ELMOD2: variants seen among roughly 807,000 people sequenced by gnomAD.
The protein encoded by ELMOD2 is ELMO domain-containing protein 2.
In ELMOD2, 28 loss-of-function variants were observed where a neutral mutation model predicts 41.0. That is an observed-to-expected ratio of 0.68 (90% CI 0.51 to 0.94). ELMOD2 has a LOEUF of 0.94. ELMOD2 is among the 40% of genes least tolerant of loss of function. The pLI, the probability that ELMOD2 is intolerant of heterozygous loss-of-function variation, is 0.00. For synonymous variants in ELMOD2, 106 were observed against 107.2 expected (o/e 0.99, Z 0.07); for missense variants, 333 against 343.1 (o/e 0.97, Z 0.23).
chr4:140,540,630 C>T (rs1003692362), intron 6 of ELMOD2, among the ~76,000 whole-genome samples: 5 of 151,914 alleles, frequency 3.3e-5, no homozygotes, highest in Admixed American at 6.6e-5. Context: ...TGCCTGTAGT[C>T]CAGCCACTTG....
intron 8 of ELMOD2, among the ~76,000 whole-genome samples, chr4:140,547,560 A>G (rs888218949): frequency 1.4e-4 from 22 of 152,180 alleles, no homozygotes; most frequent in African/African-American, 5.1e-4. Context: ...TCAAGTTTGT[A>G]TAATAAAGTT....
intron 5 of ELMOD2, among the ~76,000 whole-genome samples, chr4:140,539,630 G>A (rs532012838): frequency 4.1e-4 from 62 of 152,282 alleles, no homozygotes; most frequent in African/African-American, 1.4e-3. Flanking sequence ...ACAGGCATGA[G>A]CCACCATGCC....
At chr4:140,532,922 C>T (rs924387440) in intron 3 of ELMOD2, among the ~76,000 whole-genome samples, 2 of 152,100 alleles carry the variant, frequency 1.3e-5, no homozygotes, top group Non-Finnish European at 2.9e-5. Flanking sequence ...AATAGTGTTA[C>T]AGGACATGGT....
At chr4:140,545,444 G>A (rs983719697) in intron 8 of ELMOD2, among the ~76,000 whole-genome samples, 6 of 152,146 alleles carry the variant, frequency 3.9e-5, no homozygotes, top group Admixed American at 2.0e-4. Flanking sequence ...ATGCCAAAAT[G>A]TATATCTTCA....
chr4:140,532,315 C>T (rs1466610485), intron 3 of ELMOD2, among the ~76,000 whole-genome samples: 1 of 151,944 alleles, frequency 6.6e-6, no homozygotes, highest in Non-Finnish European at 1.5e-5. Flanking sequence ...TGCAGGTGCA[C>T]ACCACCATGC....
intron 3 of ELMOD2, 118 bp downstream of exon 3, chr4:140,527,612 TC>T: frequency 1.2e-6 from 1 of 819,082 alleles, no homozygotes; most frequent in Non-Finnish European, 1.9e-6. Context: ...AGTGAAATTT[TC>T]CCCGTTTAGA....
chr4:140,529,188 C>A (rs1734662755), intron 3 of ELMOD2, among the ~76,000 whole-genome samples: 1 of 152,130 alleles, frequency 6.6e-6, no homozygotes, highest in Non-Finnish European at 1.5e-5. Context: ...TGCAGCCGTT[C>A]CTGCTGGTGA....
intron 3 of ELMOD2, among the ~76,000 whole-genome samples, chr4:140,528,927 A>G (rs940572135): frequency 6.6e-6 from 1 of 152,192 alleles, no homozygotes; most frequent in African/African-American, 2.4e-5. Flanking sequence ...ATTTATTTAT[A>G]CCTTATTTAT....
chr4:140,542,666 C>T, intron 7 of ELMOD2, 24 bp downstream of exon 7: 1 of 1,529,122 alleles, frequency 6.5e-7, no homozygotes, highest in African/African-American at 1.4e-5. Context: ...ATTAAAGAAG[C>T]CGTAATCTCT....
At position 140,543,475 on chromosome 4, in the gene ELMOD2, A is replaced by G; in HGVS notation, c.625A>G (p.Ile209Val). ...TAGGTATTCTTATGCAATAGTTGGA[A>G]TCAATCTTACAGAGATGGCTTATAG... ...KLGYSYAIVG[I>V]NLTEMAYSLL... Residue 209 changes from isoleucine to valine, a missense_variant, in exon 8 of 9, where the codon ATC (isoleucine) becomes GTC (valine). By Grantham distance (29) the Ile-to-Val change is conservative (BLOSUM62 3). Coordinates refer to ENST00000323570, the MANE Select transcript of ELMOD2 (RefSeq NM_153702.4). 1 of 1,599,820 alleles carries G rather than the reference A, an allele frequency of 6.3e-7. No individual in the cohort carries two copies. The highest frequency in any genetic ancestry group is 8.5e-7 in the Non-Finnish European group (1 of 1,176,444).
Position 140,527,488 on chromosome 4 carries a change from G to C in ELMOD2, c.165G>C (p.Lys55Asn). Residue 55 changes from lysine (K) to asparagine (N), a missense_variant, in exon 3 of 9, where the codon AAG becomes AAC. By Grantham distance (94) the Lys-to-Asn change is moderately conservative. Transcript: ENST00000323570. ...HRIENSLTYS[K>N]NKVLQKATHV... ...CAGAAAATTCCTTGACATACTCCAA[G>C]AATAAGGTAGGATAACATAAAGGTG... is the stretch of plus-strand genomic sequence containing the variant. The C allele has an allele frequency of 6.4e-7, 1 of 1,561,610 alleles. No individual in the cohort carries two copies. The highest frequency in any genetic ancestry group is 1.4e-5 in the African/African-American group (1 of 69,508).
intron 8 of ELMOD2, among the ~76,000 whole-genome samples, chr4:140,549,074 A>G (rs1735384469): frequency 6.6e-6 from 1 of 152,096 alleles, no homozygotes; most frequent in Admixed American, 6.6e-5. Context: ...CCATCCTAGG[A>G]ACCACAATTT....
At position 140,540,172 on chromosome 4, in the gene ELMOD2, G is replaced by A; in HGVS notation, c.404G>A (p.Trp135Ter). ...AATGGAAATATATTTGTACAGCTTT[G>A]GAATCTTCTAATGCCCACGAAGAAG... is the stretch of plus-strand genomic sequence containing the variant. ...LQHEELLMKL[W>*]NLLMPTKKLN... The change falls in exon 6 of 9, where the codon TGG becomes TAG. Residue 135 changes from tryptophan to a stop codon, truncating the protein, a stop_gained. Coordinates refer to ENST00000323570, the MANE Select transcript of ELMOD2 (RefSeq NM_153702.4). LOFTEE classifies it high-confidence loss of function. 6.2e-7 allele frequency: 1 copy of A among 1,613,828 alleles called. No individual in the cohort carries two copies. The highest frequency in any genetic ancestry group is 2.2e-5 in the East Asian group (1 of 44,862).
intron 3 of ELMOD2, among the ~76,000 whole-genome samples, chr4:140,528,884 G>A (rs1286499625): frequency 6.6e-6 from 1 of 152,120 alleles, no homozygotes; most frequent in East Asian, 1.9e-4. Context: ...GGATGTGGAG[G>A]TCCTGAAAGC....
chr4:140,553,334 G>T lies in ELMOD2; in HGVS notation c.*2959G>T, dbSNP rs1578782363. On this transcript the variant is annotated 3_prime_UTR_variant, in exon 9 of 9. Coordinates refer to ENST00000323570, the MANE Select transcript of ELMOD2 (RefSeq NM_153702.4). The stretch of plus-strand genomic sequence containing the variant: ...TTTGAAATAACAGGGACCAGCAGCA[G>T]TTTTCTCAGGATAAATGCTCTACCC... The T allele has an allele frequency of 6.6e-6, 1 of 152,236 alleles. No homozygotes were observed. Among genetic ancestry groups the T allele is most frequent in the African/African-American group, 2.4e-5 (1 of 41,560 alleles). The allele number at this position is 152,236 out of a possible 1,614,324, so 9.4% of individuals were successfully genotyped here.
chr4:140,533,617 A>T (rs1353035769), intron 3 of ELMOD2, among the ~76,000 whole-genome samples: 1 of 152,192 alleles, frequency 6.6e-6, no homozygotes, highest in Non-Finnish European at 1.5e-5. Flanking sequence ...AAAATTGAAA[A>T]GTTAAACTTC....
chr4:140,537,522 A>G lies in ELMOD2; in HGVS notation c.380A>G (p.His127Arg). The part of the protein sequence containing the change: ...KRPYDSDNLQ[H>R]EELLMKLWNL... ...CCATATGATTCTGATAACCTACAGC[A>G]TGAAGAGCTACTCATGAAGGTAAAT... Residue 127 changes from histidine (H) to arginine (R), a missense_variant, in exon 5 of 9, where the codon CAT (histidine) becomes CGT (arginine). Physicochemically the swap from His to Arg is conservative, Grantham distance 29. Transcript: ENST00000323570. The G allele has an allele frequency of 2.5e-6, 4 of 1,599,242 alleles. No homozygotes were observed. Among genetic ancestry groups the G allele is most frequent in the Non-Finnish European group, 3.4e-6 (4 of 1,174,472 alleles).
At chr4:140,540,101 G>T in intron 5 of ELMOD2, 67 bp from the exon 6 acceptor site, 1 of 1,526,940 alleles carries the variant, frequency 6.5e-7, no homozygotes. Context: ...TTATTTGATA[G>T]CATTAAATTA....
chr4:140,529,624 A>G (rs1734681648), intron 3 of ELMOD2, among the ~76,000 whole-genome samples: 3 of 152,202 alleles, frequency 2.0e-5, no homozygotes, highest in Admixed American at 2.0e-4. Context: ...GGTCATCACC[A>G]CTATGCTGCC....
Sources: gnomAD v4.1 joint callset for allele counts (sites outside exome capture counted in the v4.1 genomes callset) on GRCh38, gnomAD v4.1.1 for gene constraint, MANE v1.5 for transcripts, NCBI Gene and HGNC (gene_info 2026-07-23, HGNC 2026-07-21) for gene names.